The following DMD variants were observed in gnomAD, a reference collection of about 807,000 sequenced individuals.
DMD encodes dystrophin.
A neutral mutation model predicts 330.1 loss-of-function variants in DMD; 63 were observed. The ratio of observed to expected loss-of-function variants is 0.19; its 90% CI spans 0.16 to 0.24. The LOEUF (loss-of-function observed/expected upper bound fraction) is 0.24, where lower values mean the gene tolerates loss of function less well. Ranked by LOEUF, DMD falls within the 10% of genes least tolerant of loss-of-function variation. The pLI is 1.00. For missense variants in DMD, 3,344 were observed against 2,684.1 expected (o/e 1.25, Z -5.43); for synonymous variants, 1,223 against 959.8 (o/e 1.27, Z -5.07).
At chrX:32,500,638 T>C (rs966663738) in intron 19 of DMD, among the ~76,000 whole-genome samples, 30 of 111,896 alleles carry the variant, frequency 2.7e-4, no homozygotes, top group African/African-American at 9.7e-4. Context: ...GAATATGCTG[T>C]TAAGTTGATC....
At chrX:31,989,382 G>A (rs1438046943) in intron 44 of DMD, among the ~76,000 whole-genome samples, 1 of 112,165 alleles carries the variant, frequency 8.9e-6, no homozygotes, top group African/African-American at 3.2e-5. Flanking sequence ...ATTCTAGCCT[G>A]ATGTGTTTTT....
intron 62 of DMD, among the ~76,000 whole-genome samples, chrX:31,314,742 C>CAGAG (rs199994602): frequency 0.13 from 6,969 of 55,036 alleles, 287 homozygotes; most frequent in Non-Finnish European, 0.14. Flanking sequence ...AATACATACA[C>CAGAG]AGAGAGAGAG....
At chrX:31,321,478 G>A (rs1036667617) in intron 62 of DMD, among the ~76,000 whole-genome samples, 5 of 105,680 alleles carry the variant, frequency 4.7e-5, no homozygotes, top group South Asian at 4.4e-4. Flanking sequence ...TCAGCTACTC[G>A]GGAGCTAAGA....
intron 37 of DMD, among the ~76,000 whole-genome samples, chrX:32,362,523 G>A (rs1475208155): frequency 2.7e-5 from 3 of 111,289 alleles, no homozygotes; most frequent in Non-Finnish European, 3.8e-5. Flanking sequence ...GTAAACTGCA[G>A]CATAGAATGC....
At chrX:32,883,360 T>A (rs1020285107) in intron 2 of DMD, among the ~76,000 whole-genome samples, 1 of 111,788 alleles carries the variant, frequency 8.9e-6, no homozygotes, top group African/African-American at 3.3e-5. Context: ...ATTTCTTATT[T>A]GGACACTGGT....
At chrX:32,432,222 T>C (rs2148132835) in intron 29 of DMD, among the ~76,000 whole-genome samples, 1 of 111,766 alleles carries the variant, frequency 8.9e-6, no homozygotes, top group South Asian at 3.7e-4. Context: ...ATCTTACTGA[T>C]AGAACCCCAG....
At chrX:32,530,304 G>C (rs1244027438) in intron 17 of DMD, among the ~76,000 whole-genome samples, 1 of 112,113 alleles carries the variant, frequency 8.9e-6, no homozygotes, top group East Asian at 2.8e-4. Context: ...ATTTGGTATT[G>C]ATATTCATCT....
At position 32,365,100 on chromosome X, in the gene DMD, C is replaced by G. The variant is rs1300066468; in HGVS notation, c.4945G>C (p.Val1649Leu). The G allele has an allele frequency of 1.7e-6, 2 of 1,208,681 alleles. No homozygotes were observed. Among genetic ancestry groups the G allele is most frequent in the Non-Finnish European group, 2.2e-6 (2 of 894,744 alleles). The stretch of plus-strand genomic sequence containing the variant: ...TTCAGAAGACTGAGTTTATCTTCCA[C>G]CAACGTCTCCTTCTTGCCCAAAACT... ...KTVLGKKETL[V>L]EDKLSLLNSN... is the part of the protein sequence containing the mutation. The change falls in exon 35 of 79, where the codon GTG becomes CTG. Residue 1649 changes from valine to leucine, a missense_variant. Physicochemically the swap from Val to Leu is conservative, Grantham distance 32. Coordinates refer to ENST00000357033, the MANE Select transcript of DMD (RefSeq NM_004006.3).
intron 2 of DMD, among the ~76,000 whole-genome samples, chrX:32,850,389 C>G (rs1438542449): frequency 8.9e-6 from 1 of 111,935 alleles, no homozygotes; most frequent in African/African-American, 3.2e-5. Context: ...ATCTATTTTA[C>G]TCAGTTCTTT....
In DMD at chrX:32,362,836, C is replaced by A. The variant is rs761491343; in HGVS notation, c.5277G>T (p.Glu1759Asp). 1 of 1,211,200 alleles carries A rather than the reference C, an allele frequency of 8.3e-7. No homozygotes were observed. Among genetic ancestry groups the A allele is most frequent in the Admixed American group, 2.2e-5 (1 of 45,892 alleles). The change falls in exon 37 of 79, where the codon GAG (glutamate) becomes GAT (aspartate). Residue 1759 changes from glutamate (E) to aspartate (D), a missense_variant. Transcript: ENST00000357033. ...CRKLVEPQISELNHRFAAISH... is the reference protein window; with the variant it reads ...CRKLVEPQISDLNHRFAAISH... Reference sequence around the variant, plus strand: ...AAATGGCTGCAAATCGATGGTTGAGCTCTGAGATTTGGGGCTCTACTAATT... The same window carrying A: ...AAATGGCTGCAAATCGATGGTTGAGATCTGAGATTTGGGGCTCTACTAATT...
chrX:32,547,805 T>C (rs150789389), intron 16 of DMD, among the ~76,000 whole-genome samples: 1 of 111,389 alleles, frequency 9.0e-6, no homozygotes, highest in East Asian at 2.8e-4. Context: ...GCTCCTTTCT[T>C]AGCATGCAAG....
intron 1 of DMD, among the ~76,000 whole-genome samples, chrX:33,167,513 A>AT (rs960802556): frequency 9.1e-5 from 10 of 109,966 alleles, no homozygotes; most frequent in South Asian, 3.7e-4. Flanking sequence ...TTCACCCAGA[A>AT]TTTTTTTTTA....
chrX:31,261,117 T>C lies in DMD; in HGVS notation c.9225-101A>G, dbSNP rs919064358. On this transcript the variant is annotated intron_variant, in intron 62 of 78. Transcript: ENST00000357033. ...AATAACAACAACATGATTTTTGCTT[T>C]TGAACCATTCGGAATCTTTATTTCA... The C allele has an allele frequency of 4.3e-5, 33 of 772,001 alleles. No homozygotes were observed. In the African/African-American group the frequency reaches 6.0e-4, roughly 14 times the overall value. 63.6% of individuals were successfully genotyped at this position (772,001 alleles called of 1,213,427 possible). A position where few individuals can be genotyped will look rare whatever the true frequency, so the allele number is the denominator to read the frequency against.
chrX:31,958,741 G>T (rs1381815417), intron 45 of DMD, among the ~76,000 whole-genome samples: 2 of 112,040 alleles, frequency 1.8e-5, no homozygotes, highest in Non-Finnish European at 3.8e-5. Flanking sequence ...AATGGAGATT[G>T]CCACCATCTC....
intron 18 of DMD, among the ~76,000 whole-genome samples, chrX:32,508,859 G>C (rs1464982546): frequency 9.1e-6 from 1 of 109,885 alleles, no homozygotes; most frequent in African/African-American, 3.3e-5. Context: ...CGCCCAGGCT[G>C]GAGTGCAGTG....
At chrX:32,819,356 T>A (rs746000524) in intron 5 of DMD, among the ~76,000 whole-genome samples, 43 of 111,037 alleles carry the variant, frequency 3.9e-4, no homozygotes, top group Non-Finnish European at 6.6e-4. Context: ...TCCCTTGAAT[T>A]GTCCAGTAAA....
chrX:31,557,993 T>G (rs1043163048), intron 55 of DMD, among the ~76,000 whole-genome samples: 1 of 111,809 alleles, frequency 8.9e-6, no homozygotes, highest in Non-Finnish European at 1.9e-5. Flanking sequence ...ATGAAAATAT[T>G]GCAGAATTGG....
intron 44 of DMD, among the ~76,000 whole-genome samples, chrX:32,160,443 C>T (rs1347251526): frequency 9.1e-6 from 1 of 109,942 alleles, no homozygotes; most frequent in African/African-American, 3.3e-5. Context: ...CCACGTTGGC[C>T]AGGCTGGTCT....
At chrX:33,043,691 T>A (rs1206824679) in intron 1 of DMD, among the ~76,000 whole-genome samples, 2 of 111,074 alleles carry the variant, frequency 1.8e-5, no homozygotes, top group Non-Finnish European at 3.8e-5. Flanking sequence ...AACTCTTTTT[T>A]TTATTATTAT....
Sources: gnomAD v4.1 joint callset for allele counts (sites outside exome capture counted in the v4.1 genomes callset) on GRCh38, gnomAD v4.1.1 for gene constraint, MANE v1.5 for transcripts, NCBI Gene and HGNC (gene_info 2026-07-23, HGNC 2026-07-21) for gene names.